Variants in PDZD2 observed in about 807,000 individuals in gnomAD.
PDZD2 encodes PDZ domain containing 2, also known as PDZ domain-containing protein 2.
Under a neutral mutation model 220.7 loss-of-function variants are expected in PDZD2, and 90 were observed. The observed-to-expected ratio is 0.41, with a 90% confidence interval of 0.34 to 0.49. The LOEUF is 0.49. Among genes scored for constraint, PDZD2 ranks in the 20% least tolerant of loss-of-function variants. The probability of loss-of-function intolerance (pLI) is 0.28; values close to 1 mark genes in which losing one functional copy is unlikely to be tolerated. For missense variants in PDZD2, 3,174 were observed against 3,608.5 expected, an observed-to-expected ratio of 0.88 and a Z score of 3.08; for synonymous variants, 1,375 against 1,450.5, an observed-to-expected ratio of 0.95 and a Z score of 1.18.
At chr5:31,859,387 T>TA (rs559179975) in intron 2 of PDZD2, among the ~76,000 whole-genome samples, 14 of 151,958 alleles carry the variant, frequency 9.2e-5, no homozygotes, top group African/African-American at 1.9e-4. Flanking sequence ...TATCTCCTTT[T>TA]AAAAAAAACA....
chr5:31,998,720 G>A (rs887386948), intron 4 of PDZD2, among the ~76,000 whole-genome samples: 1 of 152,220 alleles, frequency 6.6e-6, no homozygotes, highest in Non-Finnish European at 1.5e-5. Flanking sequence ...TAACACTAAC[G>A]ATAGCTGATG....
intron 1 of PDZD2, among the ~76,000 whole-genome samples, chr5:31,676,805 C>T (rs564986821): frequency 5.7e-4 from 87 of 151,936 alleles, no homozygotes; most frequent in Non-Finnish European, 1.1e-3. Context: ...CTGCCCGCCT[C>T]GGCCTCCCAA....
intron 2 of PDZD2, chr5:31,848,063 T>G (rs887546461): frequency 8.4e-6 from 3 of 356,244 alleles, no homozygotes; most frequent in African/African-American, 2.1e-5. Context: ...GAGGTGGAAC[T>G]ATCCCAAAAT....
At chr5:31,800,569 A>AC (rs1457732496) in intron 2 of PDZD2, among the ~76,000 whole-genome samples, 2 of 151,932 alleles carry the variant, frequency 1.3e-5, no homozygotes. Context: ...AAGGCCAAAC[A>AC]CCCCCAGGTA....
chr5:32,090,689 T>A lies in PDZD2; in HGVS notation c.7241T>A (p.Met2414Lys). The change falls in exon 20 of 25, where the codon ATG (methionine) becomes AAG (lysine). Residue 2414 changes from methionine to lysine, a missense_variant. By Grantham distance (95) the Met-to-Lys change is moderately conservative (BLOSUM62 -1). This residue lies in a region of PDZD2 where 631 missense variants were observed against 789.9 expected (regional missense o/e 0.80). Transcript: ENST00000438447. This position sits in a 1 kb window ranked among gnomAD's most constrained non-coding sequence, Gnocchi z 4.3. ...GAAGCCGGCACCCTCCTGCCCCAGA[T>A]GGCCAAGTCTCCCTCAATCATGACA... The part of the protein sequence containing the change: ...QSEAGTLLPQ[M>K]AKSPSIMTLT... 6.2e-7 allele frequency: 1 copy of A among 1,614,156 alleles called. No individual in the cohort carries two copies. The highest frequency in any genetic ancestry group is 1.1e-5 in the South Asian group (1 of 91,076).
At chr5:32,005,124 A>G (rs906537453) in intron 5 of PDZD2, among the ~76,000 whole-genome samples, 4 of 152,236 alleles carry the variant, frequency 2.6e-5, no homozygotes, top group Non-Finnish European at 4.4e-5. Context: ...TCTTTATCCA[A>G]CAAGAGCAAG....
chr5:31,816,819 G>A (rs1032909613), intron 2 of PDZD2, among the ~76,000 whole-genome samples: 2 of 152,184 alleles, frequency 1.3e-5, no homozygotes, highest in African/African-American at 4.8e-5. Flanking sequence ...CATAATCAAT[G>A]CCACTAACAT....
At chr5:31,822,925 T>C (rs6869849) in intron 2 of PDZD2, 582,210 of 944,778 alleles carry the variant, frequency 0.62, 182,522 homozygotes, top group African/African-American at 0.72. Flanking sequence ...ACAAATAGTC[T>C]GAACGGTGGC....
At chr5:31,718,909 C>T (rs147165637) in intron 1 of PDZD2, among the ~76,000 whole-genome samples, 2,107 of 152,128 alleles carry the variant, frequency 0.014, 58 homozygotes, top group African/African-American at 0.048. Flanking sequence ...ACCACGTTAG[C>T]CAGGATGGTC....
chr5:31,697,488 A>G (rs75587715), intron 1 of PDZD2, among the ~76,000 whole-genome samples: 3,110 of 152,336 alleles, frequency 0.02, 65 homozygotes, highest in South Asian at 0.075. Context: ...AAGAAAAAGA[A>G]AATCGGAAAG....
intron 2 of PDZD2, among the ~76,000 whole-genome samples, chr5:31,978,839 A>G (rs1240989884): frequency 1.3e-5 from 2 of 152,168 alleles, no homozygotes; most frequent in Non-Finnish European, 2.9e-5. Context: ...TTCAGTGTCC[A>G]GGAAGGAATA....
At chr5:31,909,945 C>T (rs1218876867) in intron 2 of PDZD2, among the ~76,000 whole-genome samples, 2 of 152,186 alleles carry the variant, frequency 1.3e-5, no homozygotes, top group African/African-American at 2.4e-5. Flanking sequence ...AACCCTGCCA[C>T]AGTTCCTCCA....
At chr5:31,962,477 CAG>C (rs10610035) in intron 2 of PDZD2, among the ~76,000 whole-genome samples, 37,506 of 152,022 alleles carry the variant, frequency 0.25, 5,151 homozygotes, top group Middle Eastern at 0.35. Flanking sequence ...GAAATGTCTG[CAG>C]AGAGTCAGGG....
intron 1 of PDZD2, among the ~76,000 whole-genome samples, chr5:31,782,598 C>T (rs543775174): frequency 1.4e-4 from 21 of 152,184 alleles, no homozygotes; most frequent in African/African-American, 4.8e-4. Context: ...CTACCACCAC[C>T]CCCAGGTCTT....
At chr5:31,972,342 G>T (rs1351587666) in intron 2 of PDZD2, among the ~76,000 whole-genome samples, 1 of 152,106 alleles carries the variant, frequency 6.6e-6, no homozygotes, top group Non-Finnish European at 1.5e-5. Flanking sequence ...TTGAACTCCT[G>T]AGTTCAAATG....
rs769139449 is a variant in PDZD2, at chr5:31,785,213, CAT to C, written c.-360-13675_-360-13674del. Among the ~76,000 whole-genome samples, 6 of 152,080 alleles carry C rather than the reference CAT, an allele frequency of 3.9e-5. No individual in the cohort carries two copies. The East Asian group carries it at 9.7e-4, about 25-fold the overall frequency. ...TCTTGCTGGTAACTGTATGTTTACA[CAT>C]GAGAAATAGATGCCCTTGCAATGTG... On this transcript the variant is annotated intron_variant, in intron 1 of 24. Coordinates refer to ENST00000438447, the MANE Select transcript of PDZD2 (RefSeq NM_178140.4).
chr5:31,892,834 G>A (rs1030888923), intron 2 of PDZD2, among the ~76,000 whole-genome samples: 2 of 152,180 alleles, frequency 1.3e-5, no homozygotes, highest in East Asian at 3.9e-4. Context: ...GCCTCCTAAA[G>A]TGCTGGGATT....
At chr5:31,718,063 T>A (rs1286702495) in intron 1 of PDZD2, among the ~76,000 whole-genome samples, 2 of 152,236 alleles carry the variant, frequency 1.3e-5, no homozygotes, top group African/African-American at 2.4e-5. Context: ...TAACTCATTC[T>A]TGCATTAATG....
chr5:31,891,260 C>A (rs1734590782), intron 2 of PDZD2, among the ~76,000 whole-genome samples: 1 of 151,548 alleles, frequency 6.6e-6, no homozygotes, highest in Non-Finnish European at 1.5e-5. Context: ...CCTCAGCCTC[C>A]TGAGTAGCTG....
Sources: allele counts gnomAD v4.1 joint callset (sites outside exome capture counted in the v4.1 genomes callset), GRCh38; gene constraint gnomAD v4.1.1; regional missense constraint gnomAD v4.1.1; non-coding constraint Gnocchi (gnomAD v3.1); transcripts MANE v1.5; gene names NCBI Gene and HGNC (gene_info 2026-07-23, HGNC 2026-07-21).